Variants in ZNF217 observed in about 807,000 individuals in gnomAD.
The protein encoded by ZNF217 is zinc finger protein 217.
ZNF217 carries 12 observed loss-of-function variants against 73.3 expected under a neutral mutation model. That is an observed-to-expected ratio of 0.16 (90% CI 0.10 to 0.27). ZNF217 has a LOEUF of 0.27. ZNF217 is among the 10% of genes least tolerant of loss of function. The pLI is 1.00. For missense variants in ZNF217, 1,195 were observed against 1,327.8 expected, an observed-to-expected ratio of 0.90 and a Z score of 1.55; for synonymous variants, 588 against 516.4, an observed-to-expected ratio of 1.14 and a Z score of -1.88.
Position 53,582,531 on chromosome 20 carries a change from C to G in ZNF217, c.296G>C (p.Arg99Pro), listed in dbSNP as rs1247958839. 1 of 1,614,000 alleles carries G rather than the reference C, an allele frequency of 6.2e-7. No individual in the cohort carries two copies. Among genetic ancestry groups the G allele is most frequent in the Non-Finnish European group, 8.5e-7 (1 of 1,180,036 alleles). ...CGGACTGAGATACTCTGCTTCAACC[C>G]GAAGAACTGCTGGTTCACAGAGGGT... ...RPTLCEPAVL[R>P]VEAEYLSPLD... Residue 99 changes from arginine to proline, a missense_variant, in exon 2 of 6, where the codon CGG (arginine) becomes CCG (proline). Physicochemically the swap from Arg to Pro is moderately radical, Grantham distance 103. Transcript: ENST00000371471. The surrounding 1 kb of genome is among the most constrained non-coding windows in gnomAD (Gnocchi z 4.8).
rs750930528 is a variant in ZNF217, at chr20:53,576,497, C to T, written c.2267G>A (p.Cys756Tyr). 6.2e-7 allele frequency: 1 copy of T among 1,614,258 alleles called. No homozygotes were observed. Among genetic ancestry groups the T allele is most frequent in the Non-Finnish European group, 8.5e-7 (1 of 1,180,050 alleles). Residue 756 changes from cysteine (C) to tyrosine (Y), a missense_variant, in exon 4 of 6, where the codon TGC becomes TAC. Around this residue, in one of 9 missense-constraint regions of ZNF217, gnomAD observed 649 missense variants for 642.8 expected, o/e 1.01. Coordinates refer to ENST00000371471, the MANE Select transcript of ZNF217 (RefSeq NM_006526.3). ...KSLLRSRRTG[C>Y]PPALLGKDVP... ...ATCTTTTCCCAGCAACGCTGGCGGG[C>T]ATCCGGTACGTCGACTTCTAAGCAA...
chr20:53,593,005 TA>T (rs1353354304), intron 1 of ZNF217, among the ~76,000 whole-genome samples: 2 of 151,938 alleles, frequency 1.3e-5, no homozygotes, highest in East Asian at 3.9e-4. Context: ...CATTAAGACT[TA>T]AAAAAATCTT....
At chr20:53,592,455 A>G (rs1240882774) in intron 1 of ZNF217, among the ~76,000 whole-genome samples, 3 of 152,116 alleles carry the variant, frequency 2.0e-5, no homozygotes, top group African/African-American at 7.2e-5. Context: ...GGGTCCCAGA[A>G]GTGGCCTTTT....
Position 53,582,044 on chromosome 20 carries a change from C to T in ZNF217, c.783G>A (p.Ser261=), listed in dbSNP as rs563951368. Residue 261 remains serine, a synonymous_variant, in exon 2 of 6, where the codon TCG becomes TCA. Transcript: ENST00000371471. This position sits in a 1 kb window ranked among gnomAD's most constrained non-coding sequence, Gnocchi z 4.8. ...TGAACAACTGCAGGAAGTCCTCCCTCGAGGACGGCATTCCTCCTTGTGGAG... is the reference window on the plus strand; with the variant it reads ...TGAACAACTGCAGGAAGTCCTCCCTTGAGGACGGCATTCCTCCTTGTGGAG... ...TDSPQGGMPS[S]REDFLQLFNL... is the part of the protein sequence containing the mutation. The T allele has an allele frequency of 1.2e-4, 198 of 1,614,236 alleles. No homozygotes were observed. Among genetic ancestry groups the T allele is most frequent in the South Asian group, 5.3e-4 (48 of 91,086 alleles).
chr20:53,589,218 T>A (rs1988799479), intron 1 of ZNF217, among the ~76,000 whole-genome samples: 1 of 152,192 alleles, frequency 6.6e-6, no homozygotes, highest in South Asian at 2.1e-4. Flanking sequence ...AGTACAGTCA[T>A]GTGGAGGTCA....
At chr20:53,575,433 G>A (rs114811028) in intron 4 of ZNF217, 2,835 of 274,224 alleles carry the variant, frequency 0.01, 89 homozygotes, top group African/African-American at 0.057. Context: ...TGATTACACC[G>A]CTGCACTCCA....
rs754713218 is a variant in ZNF217 at position 53,582,662 on chromosome 20, A to T, written c.165T>A (p.Asn55Lys). The T allele has an allele frequency of 3.7e-6, 6 of 1,613,952 alleles. No individual in the cohort carries two copies. The highest frequency in any genetic ancestry group is 5.1e-6 in the Non-Finnish European group (6 of 1,180,012). Residue 55 changes from asparagine to lysine, a missense_variant, in exon 2 of 6, where the codon AAT becomes AAA. Transcript: ENST00000371471. The surrounding 1 kb of genome is among the most constrained non-coding windows in gnomAD (Gnocchi z 4.8). ...GCATATACCCCTCGATTTGGATGAC[A>T]TTTTTTTCTTGTGTAGCTCGGAATG... is the stretch of plus-strand genomic sequence containing the variant. The part of the protein sequence containing the change: ...VVPFRATQEK[N>K]VIQIEGYMPL...
At chr20:53,592,433 GC>G (rs751684031) in intron 1 of ZNF217, among the ~76,000 whole-genome samples, 27 of 152,062 alleles carry the variant, frequency 1.8e-4, no homozygotes, top group Admixed American at 2.6e-4. Context: ...TCTCAGGGCG[GC>G]CCAGATGCCA....
At chr20:53,578,238 C>T (rs748910820) in intron 3 of ZNF217, 96 bp downstream of exon 3, 1 of 774,108 alleles carries the variant, frequency 1.3e-6, no homozygotes, top group Non-Finnish European at 2.1e-6. Context: ...TAAGCTAGTC[C>T]AAGGATCTGG....
chr20:53,593,343 T>C (rs1270987787), intron 1 of ZNF217, among the ~76,000 whole-genome samples: 3 of 151,938 alleles, frequency 2.0e-5, no homozygotes, highest in African/African-American at 4.8e-5. Flanking sequence ...TACGCCGACG[T>C]TCCCCCTCCG....
upstream of ZNF217, among the ~76,000 whole-genome samples, chr20:53,596,280 T>TA (rs1358199604): frequency 6.6e-6 from 1 of 152,200 alleles, no homozygotes; most frequent in East Asian, 1.9e-4. Context: ...TTGTAGCTTT[T>TA]AAAACTGAAA....
intron 2 of ZNF217, among the ~76,000 whole-genome samples, chr20:53,579,379 GAAAAA>G (rs914720138): frequency 6.6e-6 from 1 of 150,738 alleles, no homozygotes; most frequent in African/African-American, 2.4e-5. Flanking sequence ...TCTAAAGAAA[GAAAAA>G]AAAATTTACT....
Position 53,571,867 on chromosome 20 carries a change from A to T in ZNF217, c.3038-14T>A. The stretch of plus-strand genomic sequence containing the variant: ...CAGGCCTTTTTCCTGATTGAAAAAA[A>T]AAACATATTTAGAGTTAAGGTCAAA... On this transcript the variant is annotated splice_polypyrimidine_tract_variant and intron_variant, in intron 4 of 5. Transcript: ENST00000371471. 6.3e-7 allele frequency: 1 copy of T among 1,586,386 alleles called. No homozygotes were observed. The highest frequency in any genetic ancestry group is 8.5e-7 in the Non-Finnish European group (1 of 1,172,424).
intron 4 of ZNF217, 146 bp from the exon 5 acceptor site, chr20:53,571,999 G>C: frequency 2.5e-6 from 2 of 786,662 alleles, no homozygotes; most frequent in Non-Finnish European, 3.7e-6. Context: ...AGTGTTTTCA[G>C]TTACAGCTGA....
Position 53,571,726 on chromosome 20 carries a change from T to C in ZNF217, c.*18A>G, listed in dbSNP as rs754568805. On this transcript the variant is annotated 3_prime_UTR_variant, in exon 5 of 6. Transcript: ENST00000371471. The stretch of plus-strand genomic sequence containing the variant: ...TAATTGAAACATATGCTCACCTTTT[T>C]TCCCCCTAATTAGTGAATCAAGTTT... 2.2e-5 allele frequency: 36 copies of C among 1,607,666 alleles called. No homozygotes were observed. The highest frequency in any genetic ancestry group is 5.1e-5 in the Admixed American group (3 of 58,386).
At chr20:53,588,975 T>A (rs2145976258) in intron 1 of ZNF217, among the ~76,000 whole-genome samples, 1 of 152,344 alleles carries the variant, frequency 6.6e-6, no homozygotes, top group East Asian at 1.9e-4. Context: ...AACACTTCAG[T>A]ATAACTGAGA....
At chr20:53,595,041 AGGGAC>A (rs1989016974), upstream of ZNF217, among the ~76,000 whole-genome samples, 1 of 90,370 alleles carries the variant, frequency 1.1e-5, no homozygotes, top group African/African-American at 4.5e-5. Context: ...GGACAAAAAA[AGGGAC>A]AAAAAAAAAA....
upstream of ZNF217, among the ~76,000 whole-genome samples, chr20:53,595,398 T>G (rs375214325): frequency 6.6e-6 from 1 of 152,184 alleles, no homozygotes; most frequent in Admixed American, 6.5e-5. Flanking sequence ...AATATCTATT[T>G]CCTAAATCAA....
At chr20:53,591,423 CCAAA>C (rs1047834424) in intron 1 of ZNF217, among the ~76,000 whole-genome samples, 18 of 152,178 alleles carry the variant, frequency 1.2e-4, no homozygotes, top group Non-Finnish European at 1.8e-4. Flanking sequence ...CATTAAAATT[CCAAA>C]CAAACAGATT....
Sources: allele counts gnomAD v4.1 joint callset (sites outside exome capture counted in the v4.1 genomes callset), GRCh38; gene constraint gnomAD v4.1.1; regional missense constraint gnomAD v4.1.1; non-coding constraint Gnocchi (gnomAD v3.1); transcripts MANE v1.5; gene names NCBI Gene and HGNC (gene_info 2026-07-23, HGNC 2026-07-21).